The following ALG2 variants were observed in gnomAD, a reference collection of about 807,000 sequenced individuals.
ALG2 encodes ALG2 alpha-1,3/1,6-mannosyltransferase.
Under a neutral mutation model 30.5 loss-of-function variants are expected in ALG2, and 32 were observed. The observed-to-expected ratio is 1.05, with a 90% confidence interval of 0.79 to 1.41. ALG2 has a LOEUF of 1.41. Among genes scored for constraint, ALG2 ranks in the 40% most tolerant of loss-of-function variants. The probability of loss-of-function intolerance (pLI) is 0.00; values close to 1 mark genes in which losing one functional copy is unlikely to be tolerated. For missense variants in ALG2, 574 were observed against 526.4 expected (o/e 1.09, Z -0.88); for synonymous variants, 253 against 224.8 (o/e 1.13, Z -1.12).
intron 1 of ALG2, among the ~76,000 whole-genome samples, chr9:99,219,070 T>C (rs1828749368): frequency 1.3e-5 from 2 of 152,220 alleles, no homozygotes; most frequent in Non-Finnish European, 2.9e-5. Context: ...TGATTTCCTC[T>C]TGTATAGTGC....
Position 99,218,810 on chromosome 9 carries a change from C to T in ALG2, c.375G>A (p.Arg125=), listed in dbSNP as rs1270655898. The T allele has an allele frequency of 1.9e-6, 3 of 1,606,434 alleles. No homozygotes were observed. The highest frequency in any genetic ancestry group is 1.7e-6 in the Non-Finnish European group (2 of 1,179,970). Residue 125 remains arginine (R), a synonymous_variant, in exon 2 of 2, where the codon AGG becomes AGA. Transcript: ENST00000476832. ...GGATCTTCTTCCGCCGTCTAGCCAG[C>T]CTGAACACTGGGATACAGGCAGACA... The part of the protein sequence containing the change: ...DQVSACIPVF[R]LARRRKKILF...
intron 1 of ALG2, among the ~76,000 whole-genome samples, chr9:99,220,375 T>C (rs554244391): frequency 6.6e-6 from 1 of 152,290 alleles, no homozygotes; most frequent in Admixed American, 6.5e-5. Flanking sequence ...CTAATATTGA[T>C]ACATAAGAAT....
Sources: gnomAD v4.1 joint callset for allele counts (sites outside exome capture counted in the v4.1 genomes callset) on GRCh38, gnomAD v4.1.1 for gene constraint, MANE v1.5 for transcripts, NCBI Gene and HGNC (gene_info 2026-07-23, HGNC 2026-07-21) for gene names.